Variants in CHD3 observed in about 807,000 individuals in gnomAD.
CHD3 encodes ATP-dependent chromatin remodeler CHD3.
Under a neutral mutation model 248.9 loss-of-function variants are expected in CHD3, and 52 were observed. The ratio of observed to expected loss-of-function variants is 0.21; its 90% confidence interval spans 0.17 to 0.26. CHD3 has a LOEUF of 0.26. CHD3 is among the 10% of genes least tolerant of loss of function. The probability of loss-of-function intolerance (pLI) is 1.00; values close to 1 mark genes in which losing one functional copy is unlikely to be tolerated. For missense variants in CHD3, 1,482 were observed against 2,605.8 expected (o/e 0.57, Z 9.39); for synonymous variants, 985 against 985.2 (o/e 1.00, Z 0.00).
At position 7,888,910 on chromosome 17, in the gene CHD3, G is replaced by C. The variant is rs1247319153; in HGVS notation, c.-91G>C. On this transcript the variant is annotated 5_prime_UTR_variant, in exon 1 of 40. Coordinates refer to ENST00000330494, the MANE Select transcript of CHD3 (RefSeq NM_001005273.3). ...GGTATGGCCCCCTAGTTCCCAAAGG[G>C]AGCAGGGAGATGGGAATAGAATTGA... 2.5e-6 allele frequency: 4 copies of C among 1,589,058 alleles called. No individual in the cohort carries two copies. The highest frequency in any genetic ancestry group is 3.4e-6 in the Non-Finnish European group (4 of 1,167,246).
At chr17:7,901,214 CCCT>C (rs769668916) in intron 19 of CHD3, 27 bp from the exon 20 acceptor site, 26 of 1,571,714 alleles carry the variant, frequency 1.7e-5, no homozygotes, top group South Asian at 3.5e-5. Flanking sequence ...CCAACTGACC[CCCT>C]CCTCCTCCTC....
chr17:7,910,669 C>A lies in CHD3; in HGVS notation c.5754+78C>A. 2.6e-6 allele frequency: 4 copies of A among 1,535,248 alleles called. No individual in the cohort carries two copies. The highest frequency in any genetic ancestry group is 2.6e-6 in the Non-Finnish European group (3 of 1,140,570). On this transcript the variant is annotated intron_variant, in intron 38 of 39. Coordinates refer to ENST00000330494, the MANE Select transcript of CHD3 (RefSeq NM_001005273.3). The surrounding 1 kb of genome is among the most constrained non-coding windows in gnomAD (Gnocchi z 4.7). ...CACATACAAACACTTCCATCAGAAT[C>A]CTATACAATATGGAAAAACAACTTG...
At position 7,902,858 on chromosome 17, in the gene CHD3, T is replaced by G. The variant is rs199752977; in HGVS notation, c.3371-79T>G. The stretch of plus-strand genomic sequence containing the variant: ...GCTTTGAGTTGGGGGCATGGTTGTT[T>G]GTCATCAGAGAACATCTAGGAGCAG... On this transcript the variant is annotated intron_variant, in intron 21 of 39. Transcript: ENST00000330494. 7 of 1,588,846 alleles carry G rather than the reference T, an allele frequency of 4.4e-6. No homozygotes were observed. In the Admixed American group the frequency reaches 5.1e-5, roughly 12 times the overall value.
In CHD3 at chr17:7,903,467, TTTGGCACTG is replaced by T; in HGVS notation, c.3692_3700del (p.Phe1231_Glu1234delinsTer). 6.2e-7 allele frequency: 1 copy of T among 1,614,106 alleles called. No homozygotes were observed. On this transcript the variant is annotated stop_gained and inframe_deletion, in exon 23 of 40. Coordinates refer to ENST00000330494, the MANE Select transcript of CHD3 (RefSeq NM_001005273.3). LOFTEE classifies it high-confidence loss of function. The surrounding 1 kb of genome is among the most constrained non-coding windows in gnomAD (Gnocchi z 6.8). Reference sequence around the variant, plus strand: ...GCAGGAGCTTGACGACATTCTCAAATTTGGCACTGAAGAGCTATTCAAGGATGAAAACGA... The same window carrying T: ...GCAGGAGCTTGACGACATTCTCAAATAAGAGCTATTCAAGGATGAAAACGA...
Position 7,891,614 on chromosome 17 carries a change from A to G in CHD3, c.509+550A>G, listed in dbSNP as rs559132295. On this transcript the variant is annotated intron_variant, in intron 4 of 39. Transcript: ENST00000330494. ...AGTGGCTCATGCCTGTAATCCAAGC[A>G]CTTTGGGAGGCCAAGGCAGGTGGAT... Among the ~76,000 whole-genome samples the G allele has an allele frequency of 7.9e-5, 12 of 152,268 alleles. No homozygotes were observed. The East Asian group carries it at 2.3e-3, about 29-fold the overall frequency.
rs147796138 is a variant in CHD3, at chr17:7,894,574, G to A, written c.1235G>A (p.Arg412Gln). Residue 412 changes from arginine (R) to glutamine (Q), a missense_variant, in exon 8 of 40, where the codon CGG (arginine) becomes CAG (glutamine). Physicochemically the swap from Arg to Gln is conservative, Grantham distance 43 (BLOSUM62 1). Coordinates refer to ENST00000330494, the MANE Select transcript of CHD3 (RefSeq NM_001005273.3). The part of the protein sequence containing the change: ...HLVCLDPELD[R>Q]APEGKWSCPH... Reference sequence around the variant, plus strand: ...GTCTGCCTTGATCCTGAGCTTGACCGGGCTCCAGAGGGCAAATGGAGCTGC... The same window carrying A: ...GTCTGCCTTGATCCTGAGCTTGACCAGGCTCCAGAGGGCAAATGGAGCTGC... 1.3e-4 allele frequency: 216 copies of A among 1,613,692 alleles called. No individual in the cohort carries two copies. Among genetic ancestry groups the A allele is most frequent in the Middle Eastern group, 1.6e-4 (1 of 6,082 alleles).
In CHD3 at chr17:7,894,606, T is replaced by C; in HGVS notation, c.1267T>C (p.Cys423Arg). Reference protein sequence around the residue: ...APEGKWSCPHCEKEGVQWEAK... With the variant: ...APEGKWSCPHREKEGVQWEAK... ...AGAGGGCAAATGGAGCTGCCCTCAC[T>C]GTGTGAGTACCTAATGCCAGCATCT... Residue 423 changes from cysteine (C) to arginine (R), a missense_variant and splice_region_variant, in exon 8 of 40, where the codon TGT becomes CGT. Physicochemically the swap from Cys to Arg is radical, Grantham distance 180. This residue lies in a region of CHD3 where 138 missense variants were observed against 241.1 expected (regional missense o/e 0.57). Coordinates refer to ENST00000330494, the MANE Select transcript of CHD3 (RefSeq NM_001005273.3). 1 of 1,612,076 alleles carries C rather than the reference T, an allele frequency of 6.2e-7. No homozygotes were observed.
Position 7,898,583 on chromosome 17 carries a change from T to C in CHD3, c.2139T>C (p.Ser713=). 1 of 1,612,956 alleles carries C rather than the reference T, an allele frequency of 6.2e-7. No homozygotes were observed. Among genetic ancestry groups the C allele is most frequent in the Non-Finnish European group, 8.5e-7 (1 of 1,179,086 alleles). The change falls in exon 13 of 40, where the codon TCT becomes TCC. Residue 713 remains serine, a synonymous_variant. Coordinates refer to ENST00000330494, the MANE Select transcript of CHD3 (RefSeq NM_001005273.3). ...TACAGGGTGATGGGCCTCCCAGTTC[T>C]CCCACTAATGATGTGAGTCCTCTCA... The part of the protein sequence containing the change: ...KELQGDGPPS[S]PTNDPTVKYE...
intron 20 of CHD3, among the ~76,000 whole-genome samples, chr17:7,901,861 C>T (rs117025212): frequency 0.034 from 5,188 of 152,118 alleles, 133 homozygotes; most frequent in Non-Finnish European, 0.054. Flanking sequence ...GCTCTAGTTC[C>T]TTTTCAGCTG....
Position 7,893,316 on chromosome 17 carries a change from C to T in CHD3, c.540C>T (p.Ile180=), listed in dbSNP as rs1448734766. The change falls in exon 5 of 40, where the codon ATC becomes ATT. Residue 180 remains isoleucine (I), a synonymous_variant. Coordinates refer to ENST00000330494, the MANE Select transcript of CHD3 (RefSeq NM_001005273.3). ...RPLIAKKNPK[I]PMSKMMTILG... is the part of the protein sequence containing the mutation. ...TAATTGCTAAGAAGAATCCTAAGAT[C>T]CCAATGTCTAAGATGATGACCATCC... is the stretch of plus-strand genomic sequence containing the variant. 5 of 1,613,110 alleles carry T rather than the reference C, an allele frequency of 3.1e-6. No individual in the cohort carries two copies. Among genetic ancestry groups the T allele is most frequent in the Non-Finnish European group, 4.2e-6 (5 of 1,179,478 alleles).
chr17:7,895,633 C>T lies in CHD3; in HGVS notation c.1707+91C>T. ...CTCCTCTGTTTGTTGGGTTCCCATACTCTTTGTTTTCTCTCATTTCAGGCC... is the reference window on the plus strand; with the variant it reads ...CTCCTCTGTTTGTTGGGTTCCCATATTCTTTGTTTTCTCTCATTTCAGGCC... On this transcript the variant is annotated intron_variant, in intron 10 of 39. Coordinates refer to ENST00000330494, the MANE Select transcript of CHD3 (RefSeq NM_001005273.3). This position sits in a 1 kb window ranked among gnomAD's most constrained non-coding sequence, Gnocchi z 4.9. 1.7e-6 allele frequency: 2 copies of T among 1,178,320 alleles called. No homozygotes were observed. The highest frequency in any genetic ancestry group is 1.4e-5 in the South Asian group (1 of 71,296). The allele number at this position is 1,178,320 out of a possible 1,614,324, so 73.0% of individuals were successfully genotyped here. A position where few individuals can be genotyped will look rare whatever the true frequency, so the allele number is the denominator to read the frequency against.
rs1212287446 is a variant in CHD3, at chr17:7,906,482, C to G, written c.4359-71C>G. On this transcript the variant is annotated intron_variant, in intron 28 of 39. Transcript: ENST00000330494. The surrounding 1 kb of genome is among the most constrained non-coding windows in gnomAD (Gnocchi z 5.0). ...GGGTTTGGGGGTCCTCAGTCATCCT[C>G]GCGCCTCCCTCACTGCCCTATACCC... 2.6e-6 allele frequency: 4 copies of G among 1,541,644 alleles called. No homozygotes were observed. The African/African-American group carries it at 4.1e-5, about 16-fold the overall frequency.
intron 12 of CHD3, 120 bp from the exon 13 acceptor site, chr17:7,898,376 A>T: frequency 1.2e-6 from 1 of 834,370 alleles, no homozygotes; most frequent in East Asian, 2.6e-5. Context: ...GAGCCTGGGA[A>T]AAAGGAAATA....
In CHD3 at chr17:7,905,843, C is replaced by T. The variant is rs374279225; in HGVS notation, c.4225-13C>T. On this transcript the variant is annotated splice_polypyrimidine_tract_variant and intron_variant, in intron 27 of 39. Coordinates refer to ENST00000330494, the MANE Select transcript of CHD3 (RefSeq NM_001005273.3). This position sits in a 1 kb window ranked among gnomAD's most constrained non-coding sequence, Gnocchi z 5.8. ...GACATTTGTCGCCATTGCCTCCTTG[C>T]TCCCACCCTCAGGTGCTGGGCTTCA... 65 of 1,614,114 alleles carry T rather than the reference C, an allele frequency of 4.0e-5. 1 individual carries two copies. The African/African-American group carries it at 6.0e-4, about 15-fold the overall frequency.
chr17:7,888,847 C>A lies in CHD3; in HGVS notation c.-154C>A. 6.9e-7 allele frequency: 1 copy of A among 1,458,136 alleles called. No individual in the cohort carries two copies. The highest frequency in any genetic ancestry group is 1.4e-5 in the African/African-American group (1 of 70,470). The allele number at this position is 1,458,136 out of a possible 1,614,324, so 90.3% of individuals were successfully genotyped here. On this transcript the variant is annotated 5_prime_UTR_variant, in exon 1 of 40. Transcript: ENST00000330494. Reference sequence around the variant, plus strand: ...GATGAATGGGTCAGGATATCTGGAACAAAATATGGAGGTGAAGGGTGAGAT... The same window carrying A: ...GATGAATGGGTCAGGATATCTGGAAAAAAATATGGAGGTGAAGGGTGAGAT...
At chr17:7,888,290 A>G (rs1160942699), upstream of CHD3, among the ~76,000 whole-genome samples, 1 of 152,230 alleles carries the variant, frequency 6.6e-6, no homozygotes. Context: ...AAGGCGAGGC[A>G]GCGACTCTGA....
Position 7,911,941 on chromosome 17 carries a change from C to G in CHD3, c.*356C>G. 1 of 374,892 alleles carries G rather than the reference C, an allele frequency of 2.7e-6. No individual in the cohort carries two copies. 23.2% of individuals were successfully genotyped at this position (374,892 alleles called of 1,614,324 possible). The stretch of plus-strand genomic sequence containing the variant: ...TGGAGCCTCCCCAGCCGTTTCCCTG[C>G]AGAATCAGCTCTGTCTCATGTGGAA... On this transcript the variant is annotated 3_prime_UTR_variant, in exon 40 of 40. Transcript: ENST00000330494. This position sits in a 1 kb window ranked among gnomAD's most constrained non-coding sequence, Gnocchi z 5.4.
chr17:7,898,473 A>G, intron 12 of CHD3, 23 bp from the exon 13 acceptor site: 1 of 1,581,686 alleles, frequency 6.3e-7, no homozygotes, highest in African/African-American at 1.3e-5. Flanking sequence ...ATGAGGCCTC[A>G]TTCAGACCCA....
Position 7,910,122 on chromosome 17 carries a change from T to G in CHD3, c.5591-306T>G. The G allele has an allele frequency of 2.9e-6, 1 of 346,176 alleles. No homozygotes were observed. The highest frequency in any genetic ancestry group is 5.4e-6 in the Non-Finnish European group (1 of 184,856). The allele number at this position is 346,176 out of a possible 1,614,324, so 21.4% of individuals were successfully genotyped here. ...CTGACAACTCCCCGCCCCCATGTCT[T>G]CCAATGTCCCCCCATCTTCCTTTCC... On this transcript the variant is annotated intron_variant, in intron 37 of 39. Transcript: ENST00000330494. The surrounding 1 kb of genome is among the most constrained non-coding windows in gnomAD (Gnocchi z 4.7).
Sources: allele counts gnomAD v4.1 joint callset (sites outside exome capture counted in the v4.1 genomes callset), GRCh38; gene constraint gnomAD v4.1.1; regional missense constraint gnomAD v4.1.1; non-coding constraint Gnocchi (gnomAD v3.1); transcripts MANE v1.5; gene names NCBI Gene and HGNC (gene_info 2026-07-23, HGNC 2026-07-21).